CNBD1: variants seen among roughly 807,000 people sequenced by gnomAD.
CNBD1 encodes the protein cyclic nucleotide binding domain containing 1, also known as cyclic nucleotide-binding domain-containing protein 1.
Under a neutral mutation model 54.4 loss-of-function variants are expected in CNBD1, and 71 were observed. That is an observed-to-expected ratio of 1.30 (90% confidence interval 1.08 to 1.59). The LOEUF (loss-of-function observed/expected upper bound fraction) is 1.59, where lower values mean the gene tolerates loss of function less well. CNBD1 is among the 40% of genes most tolerant of loss of function. The pLI, the probability that CNBD1 is intolerant of heterozygous loss-of-function variation, is 0.00. For missense variants in CNBD1, 659 were observed against 518.0 expected, an observed-to-expected ratio of 1.27 and a Z score of -2.64; for synonymous variants, 182 against 170.7, an observed-to-expected ratio of 1.07 and a Z score of -0.51.
chr8:86,891,493 A>G (rs545579112), intron 2 of CNBD1, among the ~76,000 whole-genome samples: 1 of 152,178 alleles, frequency 6.6e-6, no homozygotes, highest in Admixed American at 6.5e-5. Flanking sequence ...TACTAGCTGT[A>G]TAATATATTT....
At chr8:87,120,606 G>C (rs1811870229) in intron 4 of CNBD1, among the ~76,000 whole-genome samples, 1 of 151,730 alleles carries the variant, frequency 6.6e-6, no homozygotes, top group Non-Finnish European at 1.5e-5. Flanking sequence ...TTTTGGGTTT[G>C]GTTTGTTCTT....
At chr8:87,095,037 C>T (rs1479897238) in intron 4 of CNBD1, among the ~76,000 whole-genome samples, 1 of 152,126 alleles carries the variant, frequency 6.6e-6, no homozygotes, top group Non-Finnish European at 1.5e-5. Flanking sequence ...GAAGCTCCTT[C>T]TCAAAAAAAA....
At chr8:87,359,032 G>A (rs963541930) in intron 10 of CNBD1, among the ~76,000 whole-genome samples, 1 of 152,146 alleles carries the variant, frequency 6.6e-6, no homozygotes, top group Non-Finnish European at 1.5e-5. Context: ...CACCCTCAAA[G>A]ACACATCTGG....
At chr8:87,273,771 T>A (rs996470885) in intron 6 of CNBD1, among the ~76,000 whole-genome samples, 2 of 151,678 alleles carry the variant, frequency 1.3e-5, no homozygotes, top group African/African-American at 4.8e-5. Context: ...GACAAATAAG[T>A]TTTTTTTTAA....
chr8:87,292,642 G>A (rs4298502), intron 8 of CNBD1, among the ~76,000 whole-genome samples: 112,990 of 152,094 alleles, frequency 0.74, 43,177 homozygotes, highest in African/African-American at 0.9. Context: ...CCTCTTCCAA[G>A]CACTTCTAAC....
In CNBD1 at chr8:86,961,075, A is replaced by C. The variant is rs1308959318; in HGVS notation, c.431+21321A>C. On this transcript the variant is annotated intron_variant, in intron 4 of 10. Transcript: ENST00000518476. ...CATTTCTACTTTTATTTTACCAATA[A>C]TTTTAAAGCTAGCCTGTTTATATAT... 4.6e-5 allele frequency among the ~76,000 whole-genome samples: 7 copies of C among 152,198 alleles called. No individual in the cohort carries two copies. In the East Asian group the frequency reaches 1.4e-3, roughly 29 times the overall value.
At chr8:87,126,849 G>A (rs1445506398) in intron 4 of CNBD1, among the ~76,000 whole-genome samples, 1 of 151,776 alleles carries the variant, frequency 6.6e-6, no homozygotes, top group Non-Finnish European at 1.5e-5. Context: ...TTATTATTTT[G>A]TATATAGATA....
intron 2 of CNBD1, chr8:87,428,404 T>C (rs1196652549): frequency 3.1e-6 from 1 of 319,196 alleles, no homozygotes. Context: ...TTAGAAGTAC[T>C]AATGAATCAA....
chr8:86,964,611 G>A (rs1808022509), intron 4 of CNBD1, among the ~76,000 whole-genome samples: 5 of 152,190 alleles, frequency 3.3e-5, no homozygotes, highest in Admixed American at 3.3e-4. Context: ...AGAGAAAAGG[G>A]GACCCGAATC....
At chr8:87,143,569 A>G (rs945107645) in intron 4 of CNBD1, among the ~76,000 whole-genome samples, 4 of 152,240 alleles carry the variant, frequency 2.6e-5, no homozygotes, top group African/African-American at 7.2e-5. Flanking sequence ...GAGTATTACA[A>G]TAACTTCACA....
chr8:86,952,441 C>T (rs1398835499), intron 4 of CNBD1, among the ~76,000 whole-genome samples: 1 of 151,760 alleles, frequency 6.6e-6, no homozygotes, highest in East Asian at 1.9e-4. Context: ...AGATATATTA[C>T]AGTATAGACA....
At chr8:86,914,329 C>T (rs980545283) in intron 3 of CNBD1, among the ~76,000 whole-genome samples, 6 of 152,192 alleles carry the variant, frequency 3.9e-5, no homozygotes, top group African/African-American at 9.7e-5. Context: ...CCAGTCCCTC[C>T]GTTCAGGGTC....
intron 10 of CNBD1, among the ~76,000 whole-genome samples, chr8:87,356,319 C>A (rs1810419490): frequency 6.6e-6 from 1 of 152,144 alleles, no homozygotes; most frequent in Non-Finnish European, 1.5e-5. Flanking sequence ...AAGTTTGAAA[C>A]TACTTAGGAT....
chr8:87,155,370 A>G (rs1230155178), intron 4 of CNBD1, among the ~76,000 whole-genome samples: 1 of 152,148 alleles, frequency 6.6e-6, no homozygotes, highest in East Asian at 1.9e-4. Flanking sequence ...CTTAGATAGC[A>G]GTGTAGAAGA....
At chr8:86,875,544 A>G (rs1808508259) in intron 1 of CNBD1, among the ~76,000 whole-genome samples, 1 of 152,246 alleles carries the variant, frequency 6.6e-6, no homozygotes, top group Admixed American at 6.5e-5. Flanking sequence ...TTACAATAAT[A>G]GCAAACACTG....
intron 8 of CNBD1, among the ~76,000 whole-genome samples, chr8:87,331,615 C>T (rs748728339): frequency 6.6e-6 from 1 of 152,144 alleles, no homozygotes; most frequent in African/African-American, 2.4e-5. Context: ...ATTTCTAGTT[C>T]TAGATCCTTA....
At chr8:87,349,046 AC>A (rs1483233511) in intron 8 of CNBD1, among the ~76,000 whole-genome samples, 5 of 152,324 alleles carry the variant, frequency 3.3e-5, no homozygotes, top group African/African-American at 1.2e-4. Context: ...TACAAGTTCC[AC>A]TACATTTTGT....
chr8:86,975,434 T>C (rs77720089), intron 4 of CNBD1, among the ~76,000 whole-genome samples: 1 of 152,152 alleles, frequency 6.6e-6, no homozygotes, highest in East Asian at 1.9e-4. Flanking sequence ...TGTCTACTTA[T>C]ATGTTTGACT....
chr8:87,066,268 C>T (rs759366108), intron 4 of CNBD1, among the ~76,000 whole-genome samples: 1 of 151,862 alleles, frequency 6.6e-6, no homozygotes, highest in East Asian at 1.9e-4. Flanking sequence ...CAAAGATGAA[C>T]TGGAATCAGA....
Sources: allele counts gnomAD v4.1 joint callset (sites outside exome capture counted in the v4.1 genomes callset), GRCh38; gene constraint gnomAD v4.1.1; transcripts MANE v1.5; gene names NCBI Gene and HGNC (gene_info 2026-07-23, HGNC 2026-07-21).